The following ASTN2 variants were observed in gnomAD, a reference collection of about 807,000 sequenced individuals.
The protein encoded by ASTN2 is astrotactin 2.
A neutral mutation model predicts 139.8 loss-of-function variants in ASTN2; 54 were observed. The ratio of observed to expected loss-of-function variants is 0.39; its 90% CI spans 0.31 to 0.48. The LOEUF is 0.48. Among genes scored for constraint, ASTN2 ranks in the 20% least tolerant of loss-of-function variants. The pLI, the probability that ASTN2 is intolerant of heterozygous loss-of-function variation, is 0.95. For missense variants in ASTN2, 1,565 were observed against 1,725.1 expected (o/e 0.91, Z 1.64); for synonymous variants, 756 against 719.5 (o/e 1.05, Z -0.81).
At chr9:116,544,363 A>G (rs769936036) in intron 19 of ASTN2, among the ~76,000 whole-genome samples, 2 of 152,132 alleles carry the variant, frequency 1.3e-5, no homozygotes, top group Admixed American at 1.3e-4. Flanking sequence ...ATTCCACCTC[A>G]CCAAAAAAAG....
At chr9:116,685,356 G>C (rs1860137261) in intron 16 of ASTN2, among the ~76,000 whole-genome samples, 1 of 152,138 alleles carries the variant, frequency 6.6e-6, no homozygotes, top group Non-Finnish European at 1.5e-5. Context: ...AATGCTCAGG[G>C]AGATGACTTG....
At chr9:116,692,244 G>T (rs1860606991) in intron 16 of ASTN2, among the ~76,000 whole-genome samples, 1 of 152,196 alleles carries the variant, frequency 6.6e-6, no homozygotes, top group South Asian at 2.1e-4. Flanking sequence ...CTAATCTTTA[G>T]ATTCTGGGAT....
intron 10 of ASTN2, among the ~76,000 whole-genome samples, chr9:116,917,340 C>G (rs1053045569): frequency 6.6e-6 from 1 of 151,878 alleles, no homozygotes; most frequent in African/African-American, 2.4e-5. Context: ...AGCCCCACCC[C>G]CCAACTAGAC....
At chr9:117,044,325 A>G (rs780041381) in intron 5 of ASTN2, among the ~76,000 whole-genome samples, 1 of 152,198 alleles carries the variant, frequency 6.6e-6, no homozygotes, top group Non-Finnish European at 1.5e-5. Context: ...GGCCCCATTT[A>G]CTCGGCGAAT....
intron 4 of ASTN2, among the ~76,000 whole-genome samples, chr9:117,123,263 C>T (rs1829604723): frequency 6.6e-6 from 1 of 151,888 alleles, no homozygotes; most frequent in Admixed American, 6.6e-5. Context: ...CAAAAACAGA[C>T]CTGTGGGCAC....
intron 1 of ASTN2, among the ~76,000 whole-genome samples, chr9:117,405,017 G>A (rs1280980907): frequency 6.6e-6 from 1 of 152,178 alleles, no homozygotes; most frequent in Non-Finnish European, 1.5e-5. Context: ...ACAAGGCCTA[G>A]ATGCTGTCTT....
rs149593337 is a variant in ASTN2, at chr9:117,211,280, G to A, written c.1015+3078C>T. ...AAAAACCTAAAGAGTCTACCTAAAC[G>A]TCTTAGAAATGTGATATGGTTTGGC... is the stretch of plus-strand genomic sequence containing the variant. On this transcript the variant is annotated intron_variant, in intron 3 of 22. Coordinates refer to ENST00000313400, the MANE Select transcript of ASTN2 (RefSeq NM_001365068.1). Among the ~76,000 whole-genome samples the A allele has an allele frequency of 7.2e-5, 11 of 152,238 alleles. No individual in the cohort carries two copies. The East Asian group carries it at 9.6e-4, about 13-fold the overall frequency.
intron 1 of ASTN2, among the ~76,000 whole-genome samples, chr9:117,358,589 A>G (rs1587978379): frequency 6.6e-6 from 1 of 152,286 alleles, no homozygotes; most frequent in East Asian, 1.9e-4. Flanking sequence ...CTTGTCGACC[A>G]CCAGCCTCTT....
intron 2 of ASTN2, among the ~76,000 whole-genome samples, chr9:117,216,758 G>A (rs1270683613): frequency 3.3e-5 from 5 of 152,082 alleles, no homozygotes; most frequent in African/African-American, 7.2e-5. Context: ...GAGGGAGGGA[G>A]TGAGGAAGAG....
At chr9:116,574,724 A>G (rs1194944829) in intron 19 of ASTN2, among the ~76,000 whole-genome samples, 1 of 151,944 alleles carries the variant, frequency 6.6e-6, no homozygotes, top group African/African-American at 2.4e-5. Flanking sequence ...TGTGTGGACC[A>G]CCTCCCCCTT....
In ASTN2 at chr9:117,120,014, G is replaced by GTA. The variant is rs1470198393; in HGVS notation, c.1168+21311_1168+21312insTA. 9.6e-4 allele frequency among the ~76,000 whole-genome samples: 34 copies of GTA among 35,324 alleles called. 1 individual carries two copies. Among genetic ancestry groups the GTA allele is most frequent in the Middle Eastern group, 0.021 (1 of 48 alleles). 23.2% of individuals were successfully genotyped at this position (35,324 alleles called of 152,430 possible). On this transcript the variant is annotated intron_variant, in intron 4 of 22. Coordinates refer to ENST00000313400, the MANE Select transcript of ASTN2 (RefSeq NM_001365068.1). ...TATGTGTGTGTGTGTGTGTGTGTGT[G>GTA]TGTGTATATATATATATATATATAT...
intron 3 of ASTN2, among the ~76,000 whole-genome samples, chr9:117,188,952 C>T (rs1278286936): frequency 6.6e-6 from 1 of 151,964 alleles, no homozygotes; most frequent in Non-Finnish European, 1.5e-5. Context: ...TGCCCTTTCC[C>T]CAGAGCGTGG....
At chr9:117,307,575 C>T (rs1263907638) in intron 1 of ASTN2, among the ~76,000 whole-genome samples, 4 of 152,196 alleles carry the variant, frequency 2.6e-5, no homozygotes, top group South Asian at 2.1e-4. Context: ...TCACTAGGTT[C>T]GCCCACATAT....
At chr9:116,793,187 G>T (rs928163675) in intron 13 of ASTN2, among the ~76,000 whole-genome samples, 8 of 152,050 alleles carry the variant, frequency 5.3e-5, no homozygotes, top group African/African-American at 1.9e-4. Flanking sequence ...CTATTCCTAG[G>T]AATTTGTCCT....
At chr9:116,964,060 C>G (rs1030422450) in intron 10 of ASTN2, among the ~76,000 whole-genome samples, 2 of 152,112 alleles carry the variant, frequency 1.3e-5, no homozygotes, top group African/African-American at 2.4e-5. Context: ...CCTTTTAAAT[C>G]TCCCCAAGCT....
intron 13 of ASTN2, among the ~76,000 whole-genome samples, chr9:116,772,152 T>G (rs1293329922): frequency 6.6e-6 from 1 of 152,242 alleles, no homozygotes; most frequent in East Asian, 1.9e-4. Context: ...AAAGACTAGA[T>G]TTCAGGTTGT....
intron 3 of ASTN2, among the ~76,000 whole-genome samples, chr9:117,185,118 G>C (rs572810894): frequency 6.6e-6 from 1 of 152,100 alleles, no homozygotes; most frequent in Non-Finnish European, 1.5e-5. Context: ...AAGCCCTGAC[G>C]TTATAGATTG....
intron 4 of ASTN2, among the ~76,000 whole-genome samples, chr9:117,117,629 C>G (rs958590929): frequency 1.3e-5 from 2 of 152,162 alleles, no homozygotes; most frequent in Admixed American, 1.3e-4. Context: ...ATCAGCACCC[C>G]CTACCCCATG....
intron 12 of ASTN2, among the ~76,000 whole-genome samples, chr9:116,809,404 A>G (rs950564221): frequency 6.6e-6 from 1 of 152,024 alleles, no homozygotes; most frequent in Non-Finnish European, 1.5e-5. Flanking sequence ...CCATATATAC[A>G]TGGTTGGTGT....
Sources: gnomAD v4.1 joint callset for allele counts (sites outside exome capture counted in the v4.1 genomes callset) on GRCh38, gnomAD v4.1.1 for gene constraint, MANE v1.5 for transcripts, NCBI Gene and HGNC (gene_info 2026-07-23, HGNC 2026-07-21) for gene names.